The following OPCML variants were observed in gnomAD, a reference collection of about 807,000 sequenced individuals.
OPCML encodes opioid binding protein/cell adhesion molecule like.
In OPCML, 13 loss-of-function variants were observed where a neutral mutation model predicts 37.8. That is an observed-to-expected ratio of 0.34 (90% CI 0.22 to 0.55). The LOEUF is 0.55. Ranked by LOEUF, OPCML falls within the 20% of genes least tolerant of loss-of-function variation. OPCML has a pLI of 0.91. For missense variants in OPCML, 341 were observed against 435.6 expected (o/e 0.78, Z 1.93); for synonymous variants, 176 against 168.8 (o/e 1.04, Z -0.33).
At chr11:132,468,898 C>A (rs920858681) in intron 4 of OPCML, among the ~76,000 whole-genome samples, 2 of 152,196 alleles carry the variant, frequency 1.3e-5, no homozygotes, top group African/African-American at 4.8e-5. Context: ...CATACTGATC[C>A]AATCACACCC....
chr11:132,669,277 C>T (rs747640370), intron 2 of OPCML, among the ~76,000 whole-genome samples: 14 of 151,812 alleles, frequency 9.2e-5, no homozygotes, highest in Non-Finnish European at 1.5e-4. Flanking sequence ...CATGTGTCAG[C>T]GCTGAAGGAG....
chr11:133,448,677 T>C (rs1946520112), intron 1 of OPCML, among the ~76,000 whole-genome samples: 1 of 152,142 alleles, frequency 6.6e-6, no homozygotes, highest in African/African-American at 2.4e-5. Context: ...AGGCTGGTCT[T>C]GAACTCCAGA....
At chr11:132,510,061 C>A (rs374456952) in intron 4 of OPCML, among the ~76,000 whole-genome samples, 1 of 152,214 alleles carries the variant, frequency 6.6e-6, no homozygotes. Flanking sequence ...GGGAACCCAC[C>A]TCTTGCATCA....
At chr11:132,483,959 A>G (rs1476626892) in intron 4 of OPCML, among the ~76,000 whole-genome samples, 1 of 152,186 alleles carries the variant, frequency 6.6e-6, no homozygotes, top group Non-Finnish European at 1.5e-5. Context: ...AAAACCATAA[A>G]AACCCTAAAA....
In OPCML at chr11:133,212,637, AT is replaced by A. The variant is rs1180524360; in HGVS notation, c.62-269628del. ...TTGTCATCTTCTAACAGCCTCTGTG[AT>A]TTACCTTCTCACTGTGACTGTTGTT... On this transcript the variant is annotated intron_variant, in intron 1 of 7. Transcript: ENST00000524381. This position sits in a 1 kb window ranked among gnomAD's most constrained non-coding sequence, Gnocchi z 4.9. 1.3e-5 allele frequency among the ~76,000 whole-genome samples: 2 copies of A among 152,170 alleles called. No individual in the cohort carries two copies. The highest frequency in any genetic ancestry group is 2.9e-5 in the Non-Finnish European group (2 of 68,034).
rs539202794 is a variant in OPCML at position 133,103,112 on chromosome 11, A to C, written c.62-160102T>G. Among the ~76,000 whole-genome samples, 6 of 152,332 alleles carry C rather than the reference A, an allele frequency of 3.9e-5. 2 individuals are homozygous for C. The highest frequency in any genetic ancestry group is 1.4e-4 in the African/African-American group (6 of 41,580). On this transcript the variant is annotated intron_variant, in intron 1 of 7. Transcript: ENST00000524381. ...AAATTAATACCAAAACCACAACATTACTTTTTTTCTAATAGTGATCTGGGG... is the reference window on the plus strand; with the variant it reads ...AAATTAATACCAAAACCACAACATTCCTTTTTTTCTAATAGTGATCTGGGG...
At chr11:133,404,048 C>T (rs763211361) in intron 1 of OPCML, among the ~76,000 whole-genome samples, 4 of 152,234 alleles carry the variant, frequency 2.6e-5, no homozygotes, top group African/African-American at 7.2e-5. Context: ...TTGGCTCCCC[C>T]TAGAGGCCCG....
intron 2 of OPCML, among the ~76,000 whole-genome samples, chr11:132,826,443 C>A (rs1325381405): frequency 2.0e-5 from 3 of 152,116 alleles, no homozygotes; most frequent in East Asian, 3.9e-4. Context: ...AGTGAAATAA[C>A]CCCCAGTGAA....
intron 1 of OPCML, among the ~76,000 whole-genome samples, chr11:133,391,456 A>C (rs1043112311): frequency 2.0e-5 from 3 of 152,160 alleles, no homozygotes; most frequent in Non-Finnish European, 4.4e-5. Context: ...TAGAAGTGGA[A>C]GTATTAGGAA....
intron 1 of OPCML, among the ~76,000 whole-genome samples, chr11:133,315,839 A>G (rs1943193485): frequency 1.3e-5 from 2 of 152,264 alleles, no homozygotes; most frequent in South Asian, 2.1e-4. Context: ...ACCTTGCTCT[A>G]TATTATATAT....
chr11:132,584,566 A>G (rs915599865), intron 3 of OPCML, among the ~76,000 whole-genome samples: 2 of 152,214 alleles, frequency 1.3e-5, no homozygotes, highest in African/African-American at 4.8e-5. Flanking sequence ...TAGCTAGTTA[A>G]CTGGATTCTG....
chr11:133,101,911 A>C (rs1402825051), intron 1 of OPCML, among the ~76,000 whole-genome samples: 1 of 152,142 alleles, frequency 6.6e-6, no homozygotes, highest in Non-Finnish European at 1.5e-5. Flanking sequence ...TCAAGCCAAG[A>C]AAAGACATAG....
At position 132,490,517 on chromosome 11, in the gene OPCML, T is replaced by G. The variant is rs550683414; in HGVS notation, c.505+38544A>C. ...TAAACGTGCTTTATACTCAAATGCCTTCCACGCTTCCATCTTCCGGCCTGA... is the reference window on the plus strand; with the variant it reads ...TAAACGTGCTTTATACTCAAATGCCGTCCACGCTTCCATCTTCCGGCCTGA... On this transcript the variant is annotated intron_variant, in intron 4 of 7. Transcript: ENST00000524381. Among the ~76,000 whole-genome samples, 5 of 150,418 alleles carry G rather than the reference T, an allele frequency of 3.3e-5. No individual in the cohort carries two copies. In the South Asian group the frequency reaches 1.1e-3, roughly 32 times the overall value.
chr11:133,222,708 T>G (rs1016407516), intron 1 of OPCML, among the ~76,000 whole-genome samples: 2 of 152,118 alleles, frequency 1.3e-5, no homozygotes, highest in African/African-American at 4.8e-5. Flanking sequence ...CAGCATAATT[T>G]ATTTTGGACA....
intron 1 of OPCML, chr11:133,005,598 T>A: frequency 6.1e-6 from 6 of 985,232 alleles, no homozygotes; most frequent in South Asian, 9.4e-5. Context: ...GGACTACAGA[T>A]GTTTTCCTAA....
At chr11:132,650,798 T>A (rs2135749606) in intron 3 of OPCML, among the ~76,000 whole-genome samples, 1 of 152,326 alleles carries the variant, frequency 6.6e-6, no homozygotes, top group East Asian at 1.9e-4. Flanking sequence ...TGTTTTCCAC[T>A]CTTCTATCCT....
At chr11:133,046,969 C>T (rs1191152497) in intron 1 of OPCML, among the ~76,000 whole-genome samples, 1 of 151,388 alleles carries the variant, frequency 6.6e-6, no homozygotes, top group Non-Finnish European at 1.5e-5. Flanking sequence ...TTTCAAAAGC[C>T]ATTTTAAAGT....
intron 1 of OPCML, among the ~76,000 whole-genome samples, chr11:133,070,340 C>A (rs1172980893): frequency 6.6e-6 from 1 of 152,152 alleles, no homozygotes; most frequent in Non-Finnish European, 1.5e-5. Flanking sequence ...CTGCTTGTCC[C>A]TGTTCTGTCT....
intron 1 of OPCML, among the ~76,000 whole-genome samples, chr11:133,343,593 A>G (rs1348018240): frequency 6.6e-6 from 1 of 152,192 alleles, no homozygotes; most frequent in African/African-American, 2.4e-5. Context: ...GTTCTAAACT[A>G]TTCACAACCA....
Sources: allele counts gnomAD v4.1 joint callset (sites outside exome capture counted in the v4.1 genomes callset), GRCh38; gene constraint gnomAD v4.1.1; non-coding constraint Gnocchi (gnomAD v3.1); transcripts MANE v1.5; gene names NCBI Gene and HGNC (gene_info 2026-07-23, HGNC 2026-07-21).